Variants in CUX1 observed in about 807,000 individuals in gnomAD.
The protein encoded by CUX1 is cut like homeobox 1.
In CUX1, 31 loss-of-function variants were observed where a neutral mutation model predicts 158.8. The ratio of observed to expected loss-of-function variants is 0.20; its 90% CI spans 0.15 to 0.26. The LOEUF is 0.26. Ranked by LOEUF, CUX1 falls within the 10% of genes least tolerant of loss-of-function variation. The pLI is 1.00. For synonymous variants in CUX1, 879 were observed against 862.1 expected, an observed-to-expected ratio of 1.02 and a Z score of -0.34; for missense variants, 1,589 against 2,014.6, an observed-to-expected ratio of 0.79 and a Z score of 4.04.
chr7:102,082,823 T>C (rs1292365093), intron 4 of CUX1, among the ~76,000 whole-genome samples: 1 of 147,564 alleles, frequency 6.8e-6, no homozygotes, highest in Non-Finnish European at 1.5e-5. Context: ...TTCCACTGTG[T>C]GGATATATAC....
At chr7:101,817,108 C>G, upstream of CUX1, 1 of 984,538 alleles carries the variant, frequency 1.0e-6, no homozygotes, top group Non-Finnish European at 1.2e-6. The surrounding 1 kb of genome is among the most constrained non-coding windows in gnomAD (Gnocchi z 4.1). Flanking sequence ...TCGCTGGGTC[C>G]CGGTGTCCCG....
intron 3 of CUX1, among the ~76,000 whole-genome samples, chr7:102,036,983 G>A (rs1414102195): frequency 3.3e-5 from 5 of 152,144 alleles, no homozygotes; most frequent in Non-Finnish European, 7.3e-5. Flanking sequence ...TTGAGCCCTC[G>A]TGTTAGAGAC....
chr7:102,200,546 G>T (rs968696812), intron 17 of CUX1, among the ~76,000 whole-genome samples: 1 of 151,932 alleles, frequency 6.6e-6, no homozygotes, highest in Non-Finnish European at 1.5e-5. Context: ...TTACCATGTC[G>T]GCCAGGCTGG....
chr7:102,192,764 G>A (rs1794418120), intron 12 of CUX1, among the ~76,000 whole-genome samples: 1 of 152,206 alleles, frequency 6.6e-6, no homozygotes, highest in African/African-American at 2.4e-5. Flanking sequence ...TCACGGTCCA[G>A]CCAGCCTGCT....
Position 102,255,742 on chromosome 7 carries a change from G to C in CUX1, c.*6700G>C. ...ATTGGGACTTCTGCTGGTGAAACAA[G>C]AGACCATTCAGCAAGACACATTGAA... On this transcript the variant is annotated 3_prime_UTR_variant, in exon 24 of 24. Coordinates refer to ENST00000292535, the MANE Select transcript of CUX1 (RefSeq NM_181552.4). 1 of 984,708 alleles carries C rather than the reference G, an allele frequency of 1.0e-6. No homozygotes were observed. Among genetic ancestry groups the C allele is most frequent in the Non-Finnish European group, 1.2e-6 (1 of 829,842 alleles). The allele number at this position is 984,708 out of a possible 1,614,324, so 61.0% of individuals were successfully genotyped here.
chr7:102,163,164 G>T (rs187991564), intron 9 of CUX1, among the ~76,000 whole-genome samples: 1 of 152,128 alleles, frequency 6.6e-6, no homozygotes. Flanking sequence ...AGAAGGGGAC[G>T]TTGCCCTGGG....
rs145992206 is a variant in CUX1, at chr7:102,282,170, G to A, written c.1902+250G>A. On this transcript the variant is annotated intron_variant, in intron 21 of 22. Transcript: ENST00000292538. ...GAAAGAGGCCTGGCTGATCACATCT[G>A]GGACTGGTCCTGAACGGGCTTCATA... 1.3e-3 allele frequency among the ~76,000 whole-genome samples: 191 copies of A among 152,302 alleles called. 1 individual carries two copies. The highest frequency in any genetic ancestry group is 4.3e-3 in the African/African-American group (179 of 41,566).
At chr7:102,128,374 C>T (rs77644212) in intron 8 of CUX1, among the ~76,000 whole-genome samples, 2,952 of 152,180 alleles carry the variant, frequency 0.019, 105 homozygotes, top group African/African-American at 0.068. Flanking sequence ...CAAAGCCCCT[C>T]CCTCGGCCGC....
intron 4 of CUX1, among the ~76,000 whole-genome samples, chr7:102,095,249 A>C (rs1191498500): frequency 1.3e-5 from 2 of 152,050 alleles, no homozygotes; most frequent in Non-Finnish European, 2.9e-5. Context: ...AGCTCAAGCA[A>C]TCCGGCCACC....
At chr7:102,056,223 C>T (rs115655537) in intron 3 of CUX1, among the ~76,000 whole-genome samples, 38 of 152,278 alleles carry the variant, frequency 2.5e-4, no homozygotes, top group Non-Finnish European at 1.2e-4. Context: ...AGATAATCAA[C>T]GAAGATGATG....
intron 2 of CUX1, among the ~76,000 whole-genome samples, chr7:101,981,676 G>A (rs941198822): frequency 3.3e-5 from 5 of 151,836 alleles, no homozygotes; most frequent in Admixed American, 1.3e-4. Flanking sequence ...ACAGCAGTGC[G>A]ATCTCGGCTC....
At chr7:101,898,140 T>C (rs1428947673) in intron 1 of CUX1, among the ~76,000 whole-genome samples, 2 of 151,934 alleles carry the variant, frequency 1.3e-5, no homozygotes, top group Non-Finnish European at 2.9e-5. Flanking sequence ...AAACCGCAAA[T>C]GTCTTTTGAT....
chr7:102,147,932 C>T (rs1835196252), intron 8 of CUX1, among the ~76,000 whole-genome samples: 1 of 152,086 alleles, frequency 6.6e-6, no homozygotes, highest in Non-Finnish European at 1.5e-5. Flanking sequence ...ACCGAGATCG[C>T]CCCACTGCCC....
chr7:102,111,724 C>T lies in CUX1; in HGVS notation c.557C>T (p.Thr186Ile). Residue 186 changes from threonine (T) to isoleucine (I), a missense_variant, in exon 7 of 24, where the codon ACC (threonine) becomes ATC (isoleucine). By Grantham distance (89) the Thr-to-Ile change is moderately conservative. This residue lies in a region of CUX1 where 515 missense variants were observed against 574.4 expected (regional missense o/e 0.90). Transcript: ENST00000292535. The part of the protein sequence containing the change: ...ERKLQETQMS[T>I]TSKLEEAEHK... ...AAGCTGCAGGAGACACAGATGTCCACCACCTCAAAGCTGGAGGAAGCTGAG... is the reference window on the plus strand; with the variant it reads ...AAGCTGCAGGAGACACAGATGTCCATCACCTCAAAGCTGGAGGAAGCTGAG... 3 of 1,614,208 alleles carry T rather than the reference C, an allele frequency of 1.9e-6. No individual in the cohort carries two copies. The highest frequency in any genetic ancestry group is 1.7e-6 in the Non-Finnish European group (2 of 1,180,006).
chr7:102,012,280 C>T (rs1037421755), intron 2 of CUX1, among the ~76,000 whole-genome samples: 9 of 151,764 alleles, frequency 5.9e-5, no homozygotes, highest in East Asian at 2.0e-4. Context: ...CTCCGCCTCC[C>T]GGGTTGAAGC....
intron 8 of CUX1, among the ~76,000 whole-genome samples, chr7:102,131,545 A>G (rs1833235172): frequency 6.6e-6 from 1 of 151,998 alleles, no homozygotes; most frequent in South Asian, 2.1e-4. Flanking sequence ...TAAGTACATT[A>G]AAGAAGGACA....
intron 15 of CUX1, 51 bp from the exon 16 acceptor site, chr7:102,198,751 C>T (rs1554519003): frequency 3.3e-6 from 5 of 1,532,784 alleles, no homozygotes; most frequent in Non-Finnish European, 4.5e-6. Flanking sequence ...ATATCGTCAA[C>T]ACCACCATTC....
chr7:102,175,013 C>A (rs1254019656), intron 10 of CUX1, among the ~76,000 whole-genome samples: 1 of 152,214 alleles, frequency 6.6e-6, no homozygotes, highest in Non-Finnish European at 1.5e-5. Context: ...TTTCCAAGGT[C>A]TTACTGCTTT....
At chr7:102,160,345 G>C (rs550814365) in intron 9 of CUX1, among the ~76,000 whole-genome samples, 82 of 152,148 alleles carry the variant, frequency 5.4e-4, no homozygotes, top group South Asian at 5.0e-3. Context: ...AGGAGAGCCT[G>C]GTTTGTTAAA....
Sources: allele counts gnomAD v4.1 joint callset (sites outside exome capture counted in the v4.1 genomes callset), GRCh38; gene constraint gnomAD v4.1.1; regional missense constraint gnomAD v4.1.1; non-coding constraint Gnocchi (gnomAD v3.1); transcripts MANE v1.5; gene names NCBI Gene and HGNC (gene_info 2026-07-23, HGNC 2026-07-21).